SGCZ: variants seen among roughly 807,000 people sequenced by gnomAD.
The protein encoded by SGCZ is sarcoglycan zeta, also known as zeta-sarcoglycan.
In SGCZ, 40 loss-of-function variants were observed where a neutral mutation model predicts 41.3. That is an observed-to-expected ratio of 0.97 (90% CI 0.75 to 1.26). SGCZ has a LOEUF of 1.26. SGCZ is among the 50% of genes most tolerant of loss of function. SGCZ has a pLI of 0.00. For synonymous variants in SGCZ, 206 were observed against 137.5 expected (o/e 1.50, Z -3.49); for missense variants, 552 against 369.8 (o/e 1.49, Z -4.04).
At chr8:14,119,570 T>G (rs1233907184) in intron 5 of SGCZ, among the ~76,000 whole-genome samples, 1 of 152,124 alleles carries the variant, frequency 6.6e-6, no homozygotes, top group Admixed American at 6.6e-5. Flanking sequence ...GTTCTGATTA[T>G]CCAGGCCAGA....
At chr8:14,650,531 A>G (rs994516694) in intron 1 of SGCZ, among the ~76,000 whole-genome samples, 1 of 151,602 alleles carries the variant, frequency 6.6e-6, no homozygotes, top group African/African-American at 2.4e-5. Context: ...GGTAGGCCCC[A>G]GTGTCTGCTG....
rs1380814285 is a variant in SGCZ, at chr8:14,163,654, A to G, written c.547+926T>C. 2.0e-5 allele frequency among the ~76,000 whole-genome samples: 3 copies of G among 152,176 alleles called. No individual in the cohort carries two copies. In the East Asian group the frequency reaches 5.8e-4, roughly 29 times the overall value. ...AATCATTCAGATGAGGGAAAATCAGAGGCATCTAGAGTTGAATATATGGAG... is the reference window on the plus strand; with the variant it reads ...AATCATTCAGATGAGGGAAAATCAGGGGCATCTAGAGTTGAATATATGGAG... On this transcript the variant is annotated intron_variant, in intron 5 of 7. Transcript: ENST00000382080.
chr8:14,347,502 T>A (rs531410337), intron 2 of SGCZ, among the ~76,000 whole-genome samples: 13 of 152,222 alleles, frequency 8.5e-5, no homozygotes, highest in African/African-American at 3.1e-4. Flanking sequence ...GTTTAGTCAC[T>A]GCATTAAAAT....
At chr8:14,552,277 G>C (rs1803895227) in intron 2 of SGCZ, among the ~76,000 whole-genome samples, 3 of 152,132 alleles carry the variant, frequency 2.0e-5, no homozygotes, top group Admixed American at 1.3e-4. Context: ...GATTGCTGAA[G>C]TCTGCAACTA....
intron 2 of SGCZ, among the ~76,000 whole-genome samples, chr8:14,525,170 A>T (rs1191266421): frequency 8.9e-6 from 1 of 112,808 alleles, no homozygotes; most frequent in Non-Finnish European, 1.6e-5. Context: ...ATAGATAGAT[A>T]GATAGATAGA....
intron 5 of SGCZ, among the ~76,000 whole-genome samples, chr8:14,157,359 T>TGAGA: frequency 7.7e-6 from 1 of 129,146 alleles, no homozygotes; most frequent in African/African-American, 2.8e-5. Flanking sequence ...TGTGTGTGTG[T>TGAGA]GTGTGAGTGT....
chr8:14,540,168 G>T (rs1241636138), intron 2 of SGCZ, among the ~76,000 whole-genome samples: 1 of 146,936 alleles, frequency 6.8e-6, no homozygotes, highest in African/African-American at 2.5e-5. Context: ...TTCGTTCAAA[G>T]ATTGGTGCTA....
At chr8:15,134,953 G>C (rs759637631) in intron 1 of SGCZ, among the ~76,000 whole-genome samples, 2 of 151,036 alleles carry the variant, frequency 1.3e-5, no homozygotes, top group Non-Finnish European at 3.0e-5. Context: ...AAGCAATGTT[G>C]TTTCAAAATG....
At position 14,959,475 on chromosome 8, in the gene SGCZ, C is replaced by T. The variant is rs189604551; in HGVS notation, c.39+278110G>A. The stretch of plus-strand genomic sequence containing the variant: ...ACAATGTTGCTTATAGTATATCAGC[C>T]ATAACTTTTTCTTAAAAACATAGGA... On this transcript the variant is annotated intron_variant, in intron 1 of 7. Transcript: ENST00000382080. Among the ~76,000 whole-genome samples the T allele has an allele frequency of 5.4e-3, 826 of 152,160 alleles. 8 individuals carry two copies. Among genetic ancestry groups the T allele is most frequent in the Non-Finnish European group, 7.7e-3 (524 of 67,980 alleles).
intron 4 of SGCZ, among the ~76,000 whole-genome samples, chr8:14,179,334 A>G (rs1343554234): frequency 7.9e-5 from 12 of 152,166 alleles, no homozygotes; most frequent in Non-Finnish European, 7.3e-5. Context: ...TTAGGCTGGA[A>G]AGCATCCACA....
chr8:14,696,963 T>TA lies in SGCZ; in HGVS notation c.40-142038dup, dbSNP rs35323308. ...ATTAGGAAATCTATGTTGATAAAGTTAAAAAAAAACATAGATATTAGTTAA... is the reference window on the plus strand; with the variant it reads ...ATTAGGAAATCTATGTTGATAAAGTTAAAAAAAAAACATAGATATTAGTTAA... On this transcript the variant is annotated intron_variant, in intron 1 of 7. Coordinates refer to ENST00000382080, the MANE Select transcript of SGCZ (RefSeq NM_139167.4). Among the ~76,000 whole-genome samples the TA allele has an allele frequency of 8.7e-3, 1,313 of 150,906 alleles. 17 individuals are homozygous for TA. Among genetic ancestry groups the TA allele is most frequent in the African/African-American group, 0.03 (1,213 of 41,076 alleles).
chr8:14,697,842 A>G (rs1389129565), intron 1 of SGCZ, among the ~76,000 whole-genome samples: 1 of 151,910 alleles, frequency 6.6e-6, no homozygotes, highest in African/African-American at 2.4e-5. Flanking sequence ...AATTCTCAAC[A>G]TTTGTTCTTT....
intron 1 of SGCZ, among the ~76,000 whole-genome samples, chr8:14,811,867 T>A (rs1448260214): frequency 2.0e-5 from 3 of 152,032 alleles, no homozygotes; most frequent in Non-Finnish European, 4.4e-5. Context: ...CACAAAGATA[T>A]CACTGCTTTT....
chr8:14,115,359 T>C (rs952993731), intron 5 of SGCZ, among the ~76,000 whole-genome samples: 9 of 152,164 alleles, frequency 5.9e-5, no homozygotes, highest in South Asian at 4.1e-4. Context: ...ATAAACATTA[T>C]AATTTTAACG....
chr8:14,458,374 T>C, intron 2 of SGCZ, among the ~76,000 whole-genome samples: 1 of 152,170 alleles, frequency 6.6e-6, no homozygotes, highest in Admixed American at 6.5e-5. Context: ...AAACAAATAT[T>C]GAACTCCAGT....
chr8:15,136,807 T>C (rs1808123121), intron 1 of SGCZ, among the ~76,000 whole-genome samples: 1 of 152,154 alleles, frequency 6.6e-6, no homozygotes, highest in Non-Finnish European at 1.5e-5. Context: ...GTCTCAGGTA[T>C]TCTTTCAGAG....
At chr8:14,136,493 A>T (rs958546920) in intron 5 of SGCZ, among the ~76,000 whole-genome samples, 1 of 152,168 alleles carries the variant, frequency 6.6e-6, no homozygotes, top group African/African-American at 2.4e-5. Flanking sequence ...ACACCAGTAC[A>T]TTATATCCCA....
intron 2 of SGCZ, among the ~76,000 whole-genome samples, chr8:14,400,416 T>A (rs1212732751): frequency 6.6e-6 from 1 of 152,068 alleles, no homozygotes; most frequent in Non-Finnish European, 1.5e-5. Flanking sequence ...TGCTACCACT[T>A]TTGACTATAA....
chr8:15,047,568 T>A (rs1267553033), intron 1 of SGCZ, among the ~76,000 whole-genome samples: 2 of 151,970 alleles, frequency 1.3e-5, no homozygotes, highest in East Asian at 3.9e-4. Flanking sequence ...TCACTAAGAG[T>A]TTGAATTTCC....
Sources: allele counts gnomAD v4.1 joint callset (sites outside exome capture counted in the v4.1 genomes callset), GRCh38; gene constraint gnomAD v4.1.1; transcripts MANE v1.5; gene names NCBI Gene and HGNC (gene_info 2026-07-23, HGNC 2026-07-21).